The following METTL15 variants were observed in gnomAD, a reference collection of about 807,000 sequenced individuals.
The protein encoded by METTL15 is methyltransferase 15, mitochondrial 12S rRNA N4-cytidine.
A neutral mutation model predicts 38.3 loss-of-function variants in METTL15; 34 were observed. The ratio of observed to expected loss-of-function variants is 0.89; its 90% CI spans 0.68 to 1.18. The LOEUF is 1.18. METTL15 is among the 50% of genes most tolerant of loss of function. METTL15 has a pLI of 0.00. For synonymous variants in METTL15, 162 were observed against 170.9 expected, an observed-to-expected ratio of 0.95 and a Z score of 0.41; for missense variants, 438 against 498.4, an observed-to-expected ratio of 0.88 and a Z score of 1.15.
chr11:28,457,010 G>A (rs1027232981), intron 6 of METTL15, among the ~76,000 whole-genome samples: 4 of 152,186 alleles, frequency 2.6e-5, no homozygotes, highest in African/African-American at 9.7e-5. Flanking sequence ...GAATCTGTGA[G>A]CATAATGAAA....
intron 5 of METTL15, among the ~76,000 whole-genome samples, chr11:28,399,405 A>G (rs946836232): frequency 8.6e-5 from 13 of 152,004 alleles, no homozygotes. Flanking sequence ...ACCTGCGGCT[A>G]CTATTAGGGA....
At chr11:28,236,145 C>T (rs1264998682) in intron 4 of METTL15, among the ~76,000 whole-genome samples, 1 of 152,078 alleles carries the variant, frequency 6.6e-6, no homozygotes, top group African/African-American at 2.4e-5. Context: ...CCTTGCATCC[C>T]AGGGATGAAG....
intron 6 of METTL15, among the ~76,000 whole-genome samples, chr11:28,433,602 C>T (rs895537606): frequency 3.3e-5 from 5 of 152,092 alleles, no homozygotes; most frequent in Admixed American, 6.5e-5. Context: ...TAAGAATATA[C>T]GGTCAATGAG....
intron 6 of METTL15, among the ~76,000 whole-genome samples, chr11:28,445,884 T>C (rs1235892046): frequency 6.6e-6 from 1 of 152,072 alleles, no homozygotes; most frequent in Non-Finnish European, 1.5e-5. Context: ...ACTCCTGGGC[T>C]CAAGCAATCT....
At chr11:28,470,024 A>T (rs1851289776) in intron 6 of METTL15, among the ~76,000 whole-genome samples, 1 of 134,974 alleles carries the variant, frequency 7.4e-6, no homozygotes, top group South Asian at 2.3e-4. Context: ...CTACAAAAAA[A>T]CAACAAAAGC....
At chr11:28,257,174 TA>T (rs1299082558) in intron 4 of METTL15, among the ~76,000 whole-genome samples, 1 of 152,198 alleles carries the variant, frequency 6.6e-6, no homozygotes, top group Non-Finnish European at 1.5e-5. Context: ...TAGGATAAAA[TA>T]TTTTTTTCTT....
chr11:28,184,706 G>C (rs955870940), intron 3 of METTL15, among the ~76,000 whole-genome samples: 18 of 151,530 alleles, frequency 1.2e-4, no homozygotes, highest in African/African-American at 4.4e-4. Context: ...ATTGATTAAA[G>C]TTAATGCTAT....
chr11:28,337,040 G>A (rs575645031), downstream of METTL15, among the ~76,000 whole-genome samples: 4 of 152,094 alleles, frequency 2.6e-5, 1 homozygote, highest in Non-Finnish European at 5.9e-5. Context: ...AGGCTAATGT[G>A]TGCATTTGTG....
At chr11:28,222,339 G>C (rs1853273766) in intron 4 of METTL15, among the ~76,000 whole-genome samples, 1 of 152,180 alleles carries the variant, frequency 6.6e-6, no homozygotes, top group Non-Finnish European at 1.5e-5. Context: ...CGTGGGCATA[G>C]GACCCTCCTA....
At chr11:28,143,376 T>C (rs546577637) in intron 3 of METTL15, among the ~76,000 whole-genome samples, 1 of 152,296 alleles carries the variant, frequency 6.6e-6, no homozygotes, top group South Asian at 2.1e-4. Context: ...GAAGGGACTC[T>C]TAATTCCCAG....
intron 5 of METTL15, among the ~76,000 whole-genome samples, chr11:28,396,471 G>C (rs936099786): frequency 2.6e-5 from 4 of 152,106 alleles, no homozygotes; most frequent in Non-Finnish European, 4.4e-5. Flanking sequence ...GCCAAATCAT[G>C]AGTGAACTCC....
intron 5 of METTL15, among the ~76,000 whole-genome samples, chr11:28,415,743 G>C (rs1165358060): frequency 6.6e-6 from 1 of 152,156 alleles, no homozygotes; most frequent in Admixed American, 6.5e-5. Flanking sequence ...TATAGACTTA[G>C]GTATAAGAAA....
chr11:28,281,599 T>C (rs1363445895), intron 4 of METTL15, among the ~76,000 whole-genome samples: 1 of 152,236 alleles, frequency 6.6e-6, no homozygotes, highest in Admixed American at 6.5e-5. Flanking sequence ...CTGATCAAGT[T>C]AAACTGCTGT....
chr11:28,238,822 CT>C (rs1854151390), intron 4 of METTL15, among the ~76,000 whole-genome samples: 1 of 152,204 alleles, frequency 6.6e-6, no homozygotes. Flanking sequence ...ACCAAAACTC[CT>C]TTTGTCAAAG....
At chr11:28,260,204 A>G (rs1474792509) in intron 4 of METTL15, among the ~76,000 whole-genome samples, 1 of 152,170 alleles carries the variant, frequency 6.6e-6, no homozygotes. Flanking sequence ...TCATTTCCAT[A>G]TCAGGCACTT....
At chr11:28,454,173 C>A (rs2133450029) in intron 6 of METTL15, among the ~76,000 whole-genome samples, 1 of 152,218 alleles carries the variant, frequency 6.6e-6, no homozygotes, top group African/African-American at 2.4e-5. Flanking sequence ...TAGCCAATAC[C>A]AAAGATTTAT....
intron 3 of METTL15, among the ~76,000 whole-genome samples, chr11:28,196,159 G>A (rs1221358798): frequency 6.6e-6 from 1 of 151,900 alleles, no homozygotes; most frequent in Non-Finnish European, 1.5e-5. Flanking sequence ...TGTTCTTTTT[G>A]TTTAGGATTG....
chr11:28,227,303 T>A (rs958837108), intron 4 of METTL15, among the ~76,000 whole-genome samples: 3 of 151,910 alleles, frequency 2.0e-5, no homozygotes, highest in African/African-American at 7.2e-5. Flanking sequence ...AGAAAACAGA[T>A]AATTTTACAA....
intron 6 of METTL15, among the ~76,000 whole-genome samples, chr11:28,452,886 C>G (rs747888243): frequency 6.6e-6 from 1 of 152,160 alleles, no homozygotes; most frequent in Non-Finnish European, 1.5e-5. Context: ...GTAGTGGAGC[C>G]TTTTGGTGAA....
Sources: gnomAD v4.1 joint callset for allele counts (sites outside exome capture counted in the v4.1 genomes callset) on GRCh38, gnomAD v4.1.1 for gene constraint, MANE v1.5 for transcripts, NCBI Gene and HGNC (gene_info 2026-07-23, HGNC 2026-07-21) for gene names.